The following BSDC1 variants were observed in gnomAD, a reference collection of about 807,000 sequenced individuals.
The protein encoded by BSDC1 is BSD domain containing 1.
In BSDC1, 29 loss-of-function variants were observed where a neutral mutation model predicts 56.0. That is an observed-to-expected ratio of 0.52 (90% CI 0.39 to 0.71). The LOEUF (loss-of-function observed/expected upper bound fraction) is 0.71, where lower values mean the gene tolerates loss of function less well. Ranked by LOEUF, BSDC1 falls within the 30% of genes least tolerant of loss-of-function variation. The probability of loss-of-function intolerance (pLI) is 0.00; values close to 1 mark genes in which losing one functional copy is unlikely to be tolerated. For synonymous variants in BSDC1, 210 were observed against 215.3 expected (o/e 0.98, Z 0.21); for missense variants, 477 against 548.5 (o/e 0.87, Z 1.30).
At chr1:32,368,411 A>G (rs1227913934) in intron 10 of BSDC1, 36 bp downstream of exon 10, 2 of 1,614,016 alleles carry the variant, frequency 1.2e-6, no homozygotes, top group Non-Finnish European at 1.7e-6. Context: ...CAGGACCATT[A>G]GGCTCGCTTC....
intron 9 of BSDC1, among the ~76,000 whole-genome samples, chr1:32,373,219 T>C (rs1642158283): frequency 6.6e-6 from 1 of 152,236 alleles, no homozygotes; most frequent in South Asian, 2.1e-4. Flanking sequence ...TCCTCCCACC[T>C]GACTACGGTT....
Position 32,376,464 on chromosome 1 carries a change from G to T in BSDC1, c.954C>A (p.Gly318=). The T allele has an allele frequency of 1.2e-6, 2 of 1,612,692 alleles. No individual in the cohort carries two copies. Among genetic ancestry groups the T allele is most frequent in the Non-Finnish European group, 1.7e-6 (2 of 1,178,930 alleles). The change falls in exon 9 of 11, where the codon GGC becomes GGA. Residue 318 remains glycine (G), a synonymous_variant. Transcript: ENST00000455895. ...CAGTCTCACCCACATCCACAGCCAGGCCCTGTTCCTCCAAGGATGCCTCTA... is the reference window on the plus strand; with the variant it reads ...CAGTCTCACCCACATCCACAGCCAGTCCCTGTTCCTCCAAGGATGCCTCTA... The part of the protein sequence containing the change: ...KLLEASLEEQ[G]LAVDVGETGP...
intron 2 of BSDC1, among the ~76,000 whole-genome samples, chr1:32,391,868 G>A (rs1642877752): frequency 6.6e-6 from 1 of 152,196 alleles, no homozygotes; most frequent in Non-Finnish European, 1.5e-5. Flanking sequence ...TTTCCCATCA[G>A]CCTCAGCACT....
At chr1:32,370,796 T>C (rs1388918030) in intron 9 of BSDC1, among the ~76,000 whole-genome samples, 5 of 91,884 alleles carry the variant, frequency 5.4e-5, no homozygotes, top group African/African-American at 2.4e-4. Context: ...AGAGTGAGAC[T>C]CCGTCTCAAA....
At position 32,383,689 on chromosome 1, in the gene BSDC1, G is replaced by A. The variant is rs372336207; in HGVS notation, c.357+141C>T. On this transcript the variant is annotated intron_variant, in intron 4 of 10. Transcript: ENST00000455895. ...AATAATTATCCTGTCCTTGCTTACT[G>A]GTATTTTCTGATTTACTATTAATAA... 205 of 663,398 alleles carry A rather than the reference G, an allele frequency of 3.1e-4. 1 individual carries two copies. The African/African-American group carries it at 3.2e-3, about 10-fold the overall frequency. 41.1% of individuals were successfully genotyped at this position (663,398 alleles called of 1,614,324 possible). A position where few individuals can be genotyped will look rare whatever the true frequency, so the allele number is the denominator to read the frequency against.
intron 10 of BSDC1, chr1:32,367,690 GA>G (rs939946056): frequency 1.4e-5 from 14 of 985,208 alleles, no homozygotes; most frequent in Admixed American, 6.1e-5. Context: ...TTTTGATTCT[GA>G]GAGGTAGTGA....
rs975401029 is a variant in BSDC1 at position 32,382,976 on chromosome 1, C to T, written c.357+854G>A. 5.9e-5 allele frequency among the ~76,000 whole-genome samples: 9 copies of T among 151,654 alleles called. 1 individual carries two copies. The highest frequency in any genetic ancestry group is 2.0e-4 in the Admixed American group (3 of 15,244). ...AGACACCTCTCTCCCCTTACCTATACGTGTATTACTAGAAATTAGTCTAAA... is the reference window on the plus strand; with the variant it reads ...AGACACCTCTCTCCCCTTACCTATATGTGTATTACTAGAAATTAGTCTAAA... On this transcript the variant is annotated intron_variant, in intron 4 of 10. Transcript: ENST00000455895.
chr1:32,364,792 A>T lies in BSDC1; in HGVS notation c.*1830T>A, dbSNP rs1273121153. On this transcript the variant is annotated 3_prime_UTR_variant, in exon 11 of 11. Coordinates refer to ENST00000455895, the MANE Select transcript of BSDC1 (RefSeq NM_018045.8). The stretch of plus-strand genomic sequence containing the variant: ...TAAAATAGACCCAAGAATCATATAC[A>T]AACAGGGGGAAGAGAGGATAAAAAT... 6.6e-6 allele frequency among the ~76,000 whole-genome samples: 1 copy of T among 152,208 alleles called. No individual in the cohort carries two copies.
At chr1:32,382,867 C>CA (rs760141230) in intron 4 of BSDC1, among the ~76,000 whole-genome samples, 6,365 of 46,378 alleles carry the variant, frequency 0.14, 705 homozygotes, top group African/African-American at 0.29. Context: ...GAGACCGTCT[C>CA]AAAAAAAAAA....
intron 10 of BSDC1, chr1:32,368,246 C>A: frequency 1.3e-6 from 2 of 1,486,024 alleles, no homozygotes; most frequent in South Asian, 1.4e-5. Flanking sequence ...ACCCTCTATC[C>A]ACCCTGGAAC....
intron 2 of BSDC1, among the ~76,000 whole-genome samples, chr1:32,389,434 G>A (rs1276259033): frequency 1.3e-5 from 2 of 152,174 alleles, no homozygotes; most frequent in East Asian, 3.9e-4. Context: ...GTAACCACTT[G>A]TGTGACTAAA....
chr1:32,384,510 G>C (rs1642600461), intron 3 of BSDC1, among the ~76,000 whole-genome samples: 1 of 152,162 alleles, frequency 6.6e-6, no homozygotes. Context: ...ATAGGGTATG[G>C]ACAATGCCTG....
At chr1:32,384,439 T>C (rs1642597683) in intron 3 of BSDC1, among the ~76,000 whole-genome samples, 1 of 152,186 alleles carries the variant, frequency 6.6e-6, no homozygotes, top group Non-Finnish European at 1.5e-5. Context: ...AACCTCAGTT[T>C]CCTTATTATA....
At chr1:32,392,671 G>T (rs1420555570) in intron 2 of BSDC1, among the ~76,000 whole-genome samples, 1 of 152,206 alleles carries the variant, frequency 6.6e-6, no homozygotes, top group Non-Finnish European at 1.5e-5. Context: ...AAGCCTCTCA[G>T]TCCTCATCAA....
intron 9 of BSDC1, among the ~76,000 whole-genome samples, chr1:32,374,071 C>T (rs1214280385): frequency 6.6e-6 from 1 of 152,176 alleles, no homozygotes; most frequent in Non-Finnish European, 1.5e-5. Context: ...CTATTTCACA[C>T]TGAAATATTT....
intron 9 of BSDC1, among the ~76,000 whole-genome samples, 194 bp downstream of exon 9, chr1:32,376,068 T>C (rs1642268679): frequency 6.6e-6 from 1 of 152,236 alleles, no homozygotes; most frequent in Non-Finnish European, 1.5e-5. Flanking sequence ...TGAAGATGCA[T>C]TCTTATTTCA....
In BSDC1 at chr1:32,378,708, C is replaced by G; in HGVS notation, c.528+16G>C. On this transcript the variant is annotated intron_variant, in intron 6 of 10. Transcript: ENST00000455895. This position sits in a 1 kb window ranked among gnomAD's most constrained non-coding sequence, Gnocchi z 5.2. ...AAGCCTGGAGCTGGCTGAGGCCCTG[C>G]AGGCTGGGCCCTCACCATCTTGGTG... is the stretch of plus-strand genomic sequence containing the variant. 6.9e-7 allele frequency: 1 copy of G among 1,454,756 alleles called. No individual in the cohort carries two copies. The highest frequency in any genetic ancestry group is 9.1e-7 in the Non-Finnish European group (1 of 1,096,808). The allele number at this position is 1,454,756 out of a possible 1,614,324, so 90.1% of individuals were successfully genotyped here. A position where few individuals can be genotyped will look rare whatever the true frequency, so the allele number is the denominator to read the frequency against.
At chr1:32,371,706 C>T (rs1369655265) in intron 9 of BSDC1, among the ~76,000 whole-genome samples, 5 of 152,170 alleles carry the variant, frequency 3.3e-5, no homozygotes, top group African/African-American at 1.2e-4. Context: ...CTCCGACCTA[C>T]TCCTCACCAG....
At chr1:32,384,813 T>C (rs1642610635) in intron 3 of BSDC1, among the ~76,000 whole-genome samples, 1 of 151,674 alleles carries the variant, frequency 6.6e-6, no homozygotes. Context: ...GAACCTATCA[T>C]AGTGCCTGGC....
Sources: allele counts gnomAD v4.1 joint callset (sites outside exome capture counted in the v4.1 genomes callset), GRCh38; gene constraint gnomAD v4.1.1; non-coding constraint Gnocchi (gnomAD v3.1); transcripts MANE v1.5; gene names NCBI Gene and HGNC (gene_info 2026-07-23, HGNC 2026-07-21).